BCCIP: variants seen among roughly 807,000 people sequenced by gnomAD.
BCCIP encodes BRCA2 and CDKN1A-interacting protein.
BCCIP carries 23 observed loss-of-function variants against 32.8 expected under a neutral mutation model. The ratio of observed to expected loss-of-function variants is 0.70; its 90% CI spans 0.51 to 0.99. BCCIP has a LOEUF of 0.99. Among genes scored for constraint, BCCIP ranks in the 50% least tolerant of loss-of-function variants. The pLI is 0.00. For synonymous variants in BCCIP, 144 were observed against 137.6 expected (o/e 1.05, Z -0.33); for missense variants, 378 against 379.8 (o/e 1.00, Z 0.04).
In BCCIP at chr10:125,823,698, TGAAGAG is replaced by T; in HGVS notation, c.144_149del (p.Glu48_Glu49del). 6.2e-7 allele frequency: 1 copy of T among 1,614,058 alleles called. No individual in the cohort carries two copies. ...ATGATGACAGTGACAAGGAAAAGGA[TGAAGAG>T]GACGAGGTCATTGACGAGGTGAGAA... On this transcript the variant is annotated inframe_deletion, in exon 1 of 7. Coordinates refer to ENST00000278100, the MANE Select transcript of BCCIP (RefSeq NM_078468.3).
At chr10:125,842,499 A>T (rs900350673) in exon 7 of BCCIP, 1 of 152,436 alleles carries the variant, frequency 6.6e-6, no homozygotes, top group African/African-American at 2.4e-5. Flanking sequence ...GGCACTGGGT[A>T]GAAAACACAA....
In BCCIP at chr10:125,828,710, C is replaced by G. The variant is rs557618015; in HGVS notation, c.321+1072C>G. ...GTTTGTATAACAAACCACCCCATAG[C>G]TTAGTGTCGTAAAATAGCAGTAGTC... On this transcript the variant is annotated intron_variant, in intron 3 of 6. Coordinates refer to ENST00000278100, the MANE Select transcript of BCCIP (RefSeq NM_078468.3). 5.3e-5 allele frequency among the ~76,000 whole-genome samples: 8 copies of G among 152,306 alleles called. No homozygotes were observed. The East Asian group carries it at 7.7e-4, about 15-fold the overall frequency.
downstream of BCCIP, chr10:125,838,182 C>A: frequency 6.5e-7 from 1 of 1,541,896 alleles, no homozygotes; most frequent in Admixed American, 2.3e-5. Context: ...AAAAATACAA[C>A]CCTTTCTTCT....
downstream of BCCIP, among the ~76,000 whole-genome samples, chr10:125,837,453 C>T (rs527583567): frequency 7.1e-4 from 108 of 152,268 alleles, 1 homozygote; most frequent in African/African-American, 2.5e-3. Context: ...TTTTAGACAG[C>T]GTCTTGGTCT....
rs540915719 is a variant in BCCIP at position 125,834,990 on chromosome 10, G to A, written c.774+1044G>A. The stretch of plus-strand genomic sequence containing the variant: ...TACTAAAAAATACAAAAAATTAGCC[G>A]GGCGTGGTGGCACGTGCCTGTAGTC... On this transcript the variant is annotated intron_variant, in intron 6 of 6. Coordinates refer to ENST00000278100, the MANE Select transcript of BCCIP (RefSeq NM_078468.3). Among the ~76,000 whole-genome samples, 233 of 151,692 alleles carry A rather than the reference G, an allele frequency of 1.5e-3. 1 individual carries two copies. Among genetic ancestry groups the A allele is most frequent in the African/African-American group, 4.7e-3 (194 of 41,330 alleles).
intron 7 of BCCIP, among the ~76,000 whole-genome samples, chr10:125,851,839 T>G (rs1944092988): frequency 6.7e-6 from 1 of 149,946 alleles, no homozygotes; most frequent in South Asian, 2.1e-4. Flanking sequence ...GAGGATCACT[T>G]GAGCCTGTGA....
chr10:125,830,034 T>C (rs1021961364), intron 3 of BCCIP, among the ~76,000 whole-genome samples: 21 of 152,176 alleles, frequency 1.4e-4, no homozygotes, highest in African/African-American at 5.1e-4. Flanking sequence ...CCTTCTCTCT[T>C]GCTAATGTGA....
chr10:125,836,781 A>G (rs1854701979), downstream of BCCIP: 8 of 1,613,972 alleles, frequency 5.0e-6, no homozygotes, highest in East Asian at 2.2e-5. Flanking sequence ...GTGATCCACT[A>G]CTTGCTGTAG....
At chr10:125,849,024 G>A (rs1238528431) in intron 7 of BCCIP, among the ~76,000 whole-genome samples, 2 of 152,074 alleles carry the variant, frequency 1.3e-5, no homozygotes, top group Non-Finnish European at 1.5e-5. Flanking sequence ...CTCAATATGG[G>A]GACCATCTAC....
At chr10:125,836,034 G>T in intron 6 of BCCIP, 70 bp from the exon 7 acceptor site, 1 of 1,354,404 alleles carries the variant, frequency 7.4e-7, no homozygotes, top group South Asian at 1.3e-5. Context: ...AATATTCTTT[G>T]CCGTAGATCA....
At chr10:125,839,210 G>C (rs751570306), downstream of BCCIP, 36 of 1,607,948 alleles carry the variant, frequency 2.2e-5, 2 homozygotes, top group South Asian at 3.6e-4. Flanking sequence ...AGAACACAAG[G>C]CTATTTAGAA....
At chr10:125,836,840 T>C, downstream of BCCIP, 4 of 1,614,126 alleles carry the variant, frequency 2.5e-6, no homozygotes, top group South Asian at 4.4e-5. Flanking sequence ...AGTATTGTGG[T>C]ACCAGCTGCA....
intron 3 of BCCIP, among the ~76,000 whole-genome samples, chr10:125,829,111 T>A (rs933002486): frequency 6.6e-6 from 1 of 152,204 alleles, no homozygotes; most frequent in East Asian, 1.9e-4. Flanking sequence ...GAAAAGTACC[T>A]AGGTCACTTT....
chr10:125,833,589 A>G (rs1415936057), intron 5 of BCCIP, among the ~76,000 whole-genome samples, 183 bp from the exon 6 acceptor site: 1 of 152,274 alleles, frequency 6.6e-6, no homozygotes, highest in Non-Finnish European at 1.5e-5. Flanking sequence ...AAAGTAATAC[A>G]TAATCTAAAA....
At chr10:125,847,680 A>G (rs1229127370), downstream of BCCIP, among the ~76,000 whole-genome samples, 1 of 152,210 alleles carries the variant, frequency 6.6e-6, no homozygotes, top group Non-Finnish European at 1.5e-5. Flanking sequence ...ATTGTAATAT[A>G]TAATGAAATA....
chr10:125,828,490 A>T (rs938310027), intron 3 of BCCIP, among the ~76,000 whole-genome samples: 1 of 152,166 alleles, frequency 6.6e-6, no homozygotes, highest in African/African-American at 2.4e-5. Context: ...AGCAAAGGAG[A>T]TTAAAAGGGA....
Position 125,836,548 on chromosome 10 carries a change from A to T in BCCIP, c.*274A>T. The T allele has an allele frequency of 7.5e-7, 1 of 1,336,062 alleles. No individual in the cohort carries two copies. The highest frequency in any genetic ancestry group is 2.7e-4 in the Middle Eastern group (1 of 3,700). The allele number at this position is 1,336,062 out of a possible 1,614,324, so 82.8% of individuals were successfully genotyped here. ...AAAAACTTCTATTTTTTATTTTAAA[A>T]TAATATACACAGTGTTATTTTCTTC... On this transcript the variant is annotated 3_prime_UTR_variant, in exon 7 of 7. Transcript: ENST00000278100.
At chr10:125,831,342 G>C in intron 4 of BCCIP, 78 bp from the exon 5 acceptor site, 1 of 1,419,634 alleles carries the variant, frequency 7.0e-7, no homozygotes, top group South Asian at 1.3e-5. Context: ...AAGATGAAAA[G>C]TGATAGCTTT....
rs771429975 is a variant in BCCIP, at chr10:125,827,617, C to A, written c.300C>A (p.Asn100Lys). The A allele has an allele frequency of 6.2e-7, 1 of 1,610,766 alleles. No individual in the cohort carries two copies. Among genetic ancestry groups the A allele is most frequent in the Admixed American group, 1.7e-5 (1 of 60,000 alleles). ...TAACAGATCTCTTAATTCAACAGAA[C>A]CATATTGGGAGTGTGATTAAGGTAA... ...AELTDLLIQQ[N>K]HIGSVIKQTD... Residue 100 changes from asparagine (N) to lysine (K), a missense_variant, in exon 3 of 7, where the codon AAC becomes AAA. Transcript: ENST00000278100.
Sources: gnomAD v4.1 joint callset for allele counts (sites outside exome capture counted in the v4.1 genomes callset) on GRCh38, gnomAD v4.1.1 for gene constraint, MANE v1.5 for transcripts, NCBI Gene and HGNC (gene_info 2026-07-23, HGNC 2026-07-21) for gene names.